The following ADIPOR1 variants were observed in gnomAD, a reference collection of about 807,000 sequenced individuals.
ADIPOR1 encodes adiponectin receptor 1.
ADIPOR1 carries 15 observed loss-of-function variants against 37.5 expected under a neutral mutation model. That is an observed-to-expected ratio of 0.40 (90% CI 0.27 to 0.62). The LOEUF is 0.62. Among genes scored for constraint, ADIPOR1 ranks in the 20% least tolerant of loss-of-function variants. The pLI, the probability that ADIPOR1 is intolerant of heterozygous loss-of-function variation, is 0.42. For missense variants in ADIPOR1, 286 were observed against 478.0 expected (o/e 0.60, Z 3.75); for synonymous variants, 173 against 173.2 (o/e 1.00, Z 0.01).
intron 3 of ADIPOR1, among the ~76,000 whole-genome samples, chr1:202,947,711 C>T (rs2102487392): frequency 6.6e-6 from 1 of 152,256 alleles, no homozygotes; most frequent in East Asian, 1.9e-4. Context: ...CTTACCACAT[C>T]TTTTTAGAGT....
Position 202,942,074 on chromosome 1 carries a change from T to C in ADIPOR1, c.950A>G (p.Tyr317Cys). Residue 317 changes from tyrosine to cysteine, a missense_variant, in exon 7 of 8, where the codon TAT becomes TGT. By Grantham distance (194) the Tyr-to-Cys change is radical. Coordinates refer to ENST00000340990, the MANE Select transcript of ADIPOR1 (RefSeq NM_015999.6). ...GAAGCGCTCAGGAATTCGAGCAGCA[T>C]AAAGGCCAGCTCCAGTGATGTACAT... ...AVMYITGAGL[Y>C]AARIPERFFP... The C allele has an allele frequency of 6.2e-7, 1 of 1,614,046 alleles. No homozygotes were observed. Among genetic ancestry groups the C allele is most frequent in the Non-Finnish European group, 8.5e-7 (1 of 1,180,004 alleles).
intron 2 of ADIPOR1, among the ~76,000 whole-genome samples, chr1:202,948,991 A>G (rs904458105): frequency 2.6e-5 from 4 of 151,286 alleles, no homozygotes; most frequent in African/African-American, 9.7e-5. Context: ...GGGTTTCACC[A>G]TGTTGGCCAG....
chr1:202,956,461 C>T (rs1264876729), intron 1 of ADIPOR1, among the ~76,000 whole-genome samples: 1 of 152,164 alleles, frequency 6.6e-6, no homozygotes, highest in Non-Finnish European at 1.5e-5. Flanking sequence ...GTTGTGGCCA[C>T]AGAGACAAGG....
In ADIPOR1 at chr1:202,948,302, A is replaced by C; in HGVS notation, c.258+2T>G. The C allele has an allele frequency of 6.2e-7, 1 of 1,603,856 alleles. No individual in the cohort carries two copies. The highest frequency in any genetic ancestry group is 8.5e-7 in the Non-Finnish European group (1 of 1,174,400). ...TCCAGGACAGAAGCTCATAGGCCAT[A>C]CCTTGTACACAAACTCTTCCATCTT... On this transcript the variant is annotated splice_donor_variant, in intron 3 of 7. Transcript: ENST00000340990. LOFTEE classifies it high-confidence loss of function.
chr1:202,942,458 T>C (rs1436939350), intron 6 of ADIPOR1, among the ~76,000 whole-genome samples: 3 of 152,246 alleles, frequency 2.0e-5, no homozygotes, highest in Non-Finnish European at 4.4e-5. Context: ...AAAGATCTCA[T>C]ATTCTTCATT....
At chr1:202,955,758 C>T (rs963061526) in intron 1 of ADIPOR1, among the ~76,000 whole-genome samples, 6 of 151,826 alleles carry the variant, frequency 4.0e-5, no homozygotes, top group Non-Finnish European at 7.4e-5. Context: ...TGTGAGCCAC[C>T]GTGCCCAGCC....
At chr1:202,944,125 T>C in intron 5 of ADIPOR1, 180 bp from the exon 6 acceptor site, 1 of 565,024 alleles carries the variant, frequency 1.8e-6, no homozygotes, top group East Asian at 2.9e-5. Context: ...ACAAGGTCAC[T>C]TCTATTTTAC....
intron 6 of ADIPOR1, among the ~76,000 whole-genome samples, chr1:202,943,119 C>T (rs1306857021): frequency 1.4e-5 from 2 of 141,790 alleles, no homozygotes; most frequent in Non-Finnish European, 3.2e-5. Flanking sequence ...CCGCCTGCCT[C>T]GGCCCCCCAA....
intron 6 of ADIPOR1, among the ~76,000 whole-genome samples, chr1:202,942,812 G>A (rs1009769627): frequency 1.4e-3 from 214 of 152,046 alleles, no homozygotes; most frequent in African/African-American, 4.8e-3. Context: ...TGCATGGCAC[G>A]TGGCTGGTGC....
intron 5 of ADIPOR1, 165 bp from the exon 6 acceptor site, chr1:202,944,110 A>T: frequency 1.7e-6 from 1 of 605,778 alleles, no homozygotes; most frequent in East Asian, 2.8e-5. Context: ...CTGGATTAAA[A>T]TTCCACAAGG....
At chr1:202,951,588 C>T (rs1157996785) in intron 1 of ADIPOR1, among the ~76,000 whole-genome samples, 2 of 152,202 alleles carry the variant, frequency 1.3e-5, no homozygotes, top group Non-Finnish European at 2.9e-5. Flanking sequence ...CATCTGGCTG[C>T]AATTACTACA....
chr1:202,951,213 G>A (rs1558014453), intron 1 of ADIPOR1, 49 bp from the exon 2 acceptor site: 3 of 950,318 alleles, frequency 3.2e-6, no homozygotes, highest in East Asian at 5.2e-5. Flanking sequence ...TCCTCTTACA[G>A]TTTCATTTCT....
At chr1:202,944,810 T>C (rs1484413074) in intron 5 of ADIPOR1, 173 bp downstream of exon 5, 5 of 556,736 alleles carry the variant, frequency 9.0e-6, no homozygotes, top group Non-Finnish European at 1.6e-5. Flanking sequence ...GTTCATGAAG[T>C]GTTTAAGAGA....
chr1:202,950,790 G>T, intron 2 of ADIPOR1, 140 bp downstream of exon 2: 1 of 1,176,894 alleles, frequency 8.5e-7, no homozygotes, highest in Non-Finnish European at 1.2e-6. Context: ...GTTTATAACA[G>T]TATCATAGGG....
intron 1 of ADIPOR1, among the ~76,000 whole-genome samples, chr1:202,953,700 CTG>C (rs975570821): frequency 3.6e-5 from 4 of 112,268 alleles, no homozygotes; most frequent in Non-Finnish European, 7.7e-5. Context: ...ATACAAGACA[CTG>C]TGCAAAATAC....
At chr1:202,942,790 G>C (rs115335506) in intron 6 of ADIPOR1, among the ~76,000 whole-genome samples, 3,202 of 151,942 alleles carry the variant, frequency 0.021, 112 homozygotes, top group African/African-American at 0.074. Flanking sequence ...AAATACCTTT[G>C]TTTAAGCACA....
intron 2 of ADIPOR1, among the ~76,000 whole-genome samples, chr1:202,950,065 C>T (rs143087413): frequency 5.3e-5 from 8 of 152,120 alleles, no homozygotes; most frequent in African/African-American, 1.4e-4. Flanking sequence ...CAGATTCAAG[C>T]GATTCTCCTG....
At chr1:202,942,283 C>A in intron 6 of ADIPOR1, 65 bp from the exon 7 acceptor site, 1 of 1,448,206 alleles carries the variant, frequency 6.9e-7, no homozygotes, top group South Asian at 1.4e-5. Context: ...GCACTGCTGT[C>A]TTACTCTGGA....
intron 1 of ADIPOR1, among the ~76,000 whole-genome samples, 176 bp downstream of exon 1, chr1:202,958,009 C>A (rs1654851797): frequency 6.6e-6 from 1 of 152,182 alleles, no homozygotes; most frequent in African/African-American, 2.4e-5. Context: ...ATGTTTACAA[C>A]CTGACCGGCT....
Sources: gnomAD v4.1 joint callset for allele counts (sites outside exome capture counted in the v4.1 genomes callset) on GRCh38, gnomAD v4.1.1 for gene constraint, MANE v1.5 for transcripts, NCBI Gene and HGNC (gene_info 2026-07-23, HGNC 2026-07-21) for gene names.